MKI67: variants seen among roughly 807,000 people sequenced by gnomAD.
The protein encoded by MKI67 is proliferation marker protein Ki-67.
A neutral mutation model predicts 233.5 loss-of-function variants in MKI67; 152 were observed. That is an observed-to-expected ratio of 0.65 (90% CI 0.57 to 0.74). The LOEUF is 0.74. Ranked by LOEUF, MKI67 falls within the 30% of genes least tolerant of loss-of-function variation. The probability of loss-of-function intolerance (pLI) is 0.00; values close to 1 mark genes in which losing one functional copy is unlikely to be tolerated. For missense variants in MKI67, 3,940 were observed against 3,885.2 expected (o/e 1.01, Z -0.37); for synonymous variants, 1,465 against 1,418.5 (o/e 1.03, Z -0.74).
chr10:128,125,622 C>T lies in MKI67; in HGVS notation c.46G>A (p.Asp16Asn). 6.2e-7 allele frequency: 1 copy of T among 1,613,586 alleles called. No individual in the cohort carries two copies. Among genetic ancestry groups the T allele is most frequent in the Non-Finnish European group, 8.5e-7 (1 of 1,179,826 alleles). The change falls in exon 2 of 15, where the codon GAC becomes AAC. Residue 16 changes from aspartate to asparagine, a missense_variant. Coordinates refer to ENST00000368654, the MANE Select transcript of MKI67 (RefSeq NM_002417.5). The surrounding 1 kb of genome is among the most constrained non-coding windows in gnomAD (Gnocchi z 5.3). Reference protein sequence around the residue: ...RLVTIKRSGVDGPHFPLSLST... With the variant: ...RLVTIKRSGVNGPHFPLSLST... ...AGGCTCAGGGGAAAGTGGGGACCGT[C>T]GACCCCGCTCCTTTTGATAGTAACC...
chr10:128,105,098 C>T lies in MKI67; in HGVS notation c.6742G>A (p.Val2248Ile), dbSNP rs145732129. ...CTGAGTGCTAAGGATTCTTCCTCTACGTCTGCTTTCCTGAGACTTCTCTTG... is the reference window on the plus strand; with the variant it reads ...CTGAGTGCTAAGGATTCTTCCTCTATGTCTGCTTTCCTGAGACTTCTCTTG... ...QSKRSLRKAD[V>I]EEESLALRKR... The change falls in exon 13 of 15, where the codon GTA (valine) becomes ATA (isoleucine). Residue 2248 changes from valine (V) to isoleucine (I), a missense_variant. Transcript: ENST00000368654. 2.1e-4 allele frequency: 333 copies of T among 1,613,982 alleles called. 2 individuals carry two copies. The Middle Eastern group carries it at 3.1e-3, about 15-fold the overall frequency.
intron 9 of MKI67, 26 bp downstream of exon 9, chr10:128,112,107 T>G: frequency 6.2e-7 from 1 of 1,610,906 alleles, no homozygotes; most frequent in Non-Finnish European, 8.5e-7. Context: ...TTCACCTTAA[T>G]ATATGTATTC....
rs1852490191 is a variant in MKI67, at chr10:128,106,218, CT to C, written c.5621del (p.Lys1874SerfsTer13). 1 of 1,613,258 alleles carries C rather than the reference CT, an allele frequency of 6.2e-7. No individual in the cohort carries two copies. The highest frequency in any genetic ancestry group is 1.7e-5 in the Admixed American group (1 of 59,864). ...TCTTGAGGCTTCTCTTGGGCCGTTG[CT>C]TTGTGTTTGTTGGGGTGTCCGCTGG... ...SDPADTPTNT[K>X]QRPKRSLKKA... On this transcript the variant is annotated frameshift_variant, in exon 13 of 15. Coordinates refer to ENST00000368654, the MANE Select transcript of MKI67 (RefSeq NM_002417.5). LOFTEE classifies it high-confidence loss of function.
chr10:128,101,172 C>T (rs1242057922), intron 14 of MKI67, 86 bp downstream of exon 14: 1 of 1,301,746 alleles, frequency 7.7e-7, no homozygotes, highest in Admixed American at 2.0e-5. Context: ...GAAGATAATG[C>T]TTTTTGTTTG....
rs772241430 is a variant in MKI67, at chr10:128,104,218, C to T, written c.7622G>A (p.Gly2541Asp). The T allele has an allele frequency of 6.2e-7, 1 of 1,614,024 alleles. No individual in the cohort carries two copies. Among genetic ancestry groups the T allele is most frequent in the South Asian group, 1.1e-5 (1 of 91,074 alleles). Reference sequence around the variant, plus strand: ...ACGAGTTCTCAGCTGCCTCCTGCTACCAGTTACACTTGCTGCTGGGTCCAG... The same window carrying T: ...ACGAGTTCTCAGCTGCCTCCTGCTATCAGTTACACTTGCTGCTGGGTCCAG... The part of the protein sequence containing the change: ...QILDPAASVT[G>D]SRRQLRTRKE... The change falls in exon 13 of 15, where the codon GGT becomes GAT. Residue 2541 changes from glycine (G) to aspartate (D), a missense_variant. Gly to Asp is a moderately conservative substitution (Grantham distance 94). Coordinates refer to ENST00000368654, the MANE Select transcript of MKI67 (RefSeq NM_002417.5).
chr10:128,106,577 G>A lies in MKI67; in HGVS notation c.5263C>T (p.Pro1755Ser), dbSNP rs1316205696. 8.1e-6 allele frequency: 13 copies of A among 1,614,058 alleles called. No individual in the cohort carries two copies. Among genetic ancestry groups the A allele is most frequent in the Non-Finnish European group, 1.1e-5 (13 of 1,180,036 alleles). ...TCTGCTTTCCTGAGACTTCTCTTGG[G>A]CTGTGGCTTGGAGCTTGTTGGGGTG... is the stretch of plus-strand genomic sequence containing the variant. ...VDTPTSSKPQ[P>S]KRSLRKADTE... The change falls in exon 13 of 15, where the codon CCC becomes TCC. Residue 1755 changes from proline to serine, a missense_variant. By Grantham distance (74) the Pro-to-Ser change is moderately conservative. Transcript: ENST00000368654.
At chr10:128,119,491 A>G (rs1590317612) in intron 4 of MKI67, among the ~76,000 whole-genome samples, 172 bp from the exon 5 acceptor site, 1 of 152,252 alleles carries the variant, frequency 6.6e-6, no homozygotes, top group East Asian at 1.9e-4. Flanking sequence ...TACACTAAAA[A>G]CTAGGATTAG....
rs1852325917 is a variant in MKI67 at position 128,101,231 on chromosome 10, AAAACAGGG to A, written c.9705+19_9705+26del. 19 of 1,590,322 alleles carry A rather than the reference AAAACAGGG, an allele frequency of 1.2e-5. No homozygotes were observed. Among genetic ancestry groups the A allele is most frequent in the Non-Finnish European group, 1.6e-5 (19 of 1,164,562 alleles). The stretch of plus-strand genomic sequence containing the variant: ...TACATCAAAACATTCTGTGTCTTTT[AAAACAGGG>A]AAACAGTAAATGGCTTACCTTCTTT... On this transcript the variant is annotated intron_variant, in intron 14 of 14. Coordinates refer to ENST00000368654, the MANE Select transcript of MKI67 (RefSeq NM_002417.5).
rs552682570 is a variant in MKI67, at chr10:128,104,308, G to C, written c.7532C>G (p.Thr2511Arg). Residue 2511 changes from threonine (T) to arginine (R), a missense_variant, in exon 13 of 15, where the codon ACA (threonine) becomes AGA (arginine). Physicochemically the swap from Thr to Arg is moderately conservative, Grantham distance 71 (BLOSUM62 -1). Transcript: ENST00000368654. ...ACTATCTCCTGTTGGCTCTGTGTGTGTTTGCGTAGTCTCCCCTGATGTCCG... is the reference window on the plus strand; with the variant it reads ...ACTATCTCCTGTTGGCTCTGTGTGTCTTTGCGTAGTCTCCCCTGATGTCCG... ...LTRTSGETTQ[T>R]HTEPTGDSKS... is the part of the protein sequence containing the mutation. 1.2e-6 allele frequency: 2 copies of C among 1,614,188 alleles called. No individual in the cohort carries two copies. The highest frequency in any genetic ancestry group is 4.5e-5 in the East Asian group (2 of 44,876).
intron 7 of MKI67, among the ~76,000 whole-genome samples, chr10:128,114,216 G>A (rs775295914): frequency 2.0e-5 from 3 of 152,180 alleles, no homozygotes; most frequent in East Asian, 1.9e-4. Context: ...CGAATACTGC[G>A]TCTGTGGCCC....
At chr10:128,123,633 A>G (rs1352296985) in intron 2 of MKI67, among the ~76,000 whole-genome samples, 1 of 152,250 alleles carries the variant, frequency 6.6e-6, no homozygotes. Context: ...AAGAAATTAC[A>G]TTAGAACCTA....
chr10:128,122,997 C>G lies in MKI67; in HGVS notation c.172-1G>C. On this transcript the variant is annotated splice_acceptor_variant, in intron 3 of 14. Coordinates refer to ENST00000368654, the MANE Select transcript of MKI67 (RefSeq NM_002417.5). LOFTEE classifies it high-confidence loss of function. ...TGGAACTGAAATTATGTAATATTGC[C>G]TGCAAGTGAAAAGAAGGGGAAATAT... is the stretch of plus-strand genomic sequence containing the variant. 6.3e-7 allele frequency: 1 copy of G among 1,592,040 alleles called. No individual in the cohort carries two copies.
chr10:128,112,697 G>T (rs1235447536), intron 8 of MKI67, among the ~76,000 whole-genome samples: 1 of 152,166 alleles, frequency 6.6e-6, no homozygotes, highest in Non-Finnish European at 1.5e-5. Flanking sequence ...CCTGATCAGT[G>T]AAAGACAAGC....
At position 128,109,219 on chromosome 10, in the gene MKI67, C is replaced by A; in HGVS notation, c.2621G>T (p.Arg874Met). 1 of 1,614,120 alleles carries A rather than the reference C, an allele frequency of 6.2e-7. No individual in the cohort carries two copies. The highest frequency in any genetic ancestry group is 8.5e-7 in the Non-Finnish European group (1 of 1,180,026). Residue 874 changes from arginine (R) to methionine (M), a missense_variant, in exon 13 of 15, where the codon AGG becomes ATG. By Grantham distance (91) the Arg-to-Met change is moderately conservative. Transcript: ENST00000368654. ...CCTGAACTCTGTAGACCTTCCTGAC[C>A]TGTTTGCAGTGGATACTGTTTTTGA... is the stretch of plus-strand genomic sequence containing the variant. ...EPSKTVSTAN[R>M]SGRSTEFRNI...
At chr10:128,111,892 G>C (rs533530148) in intron 10 of MKI67, 35 bp downstream of exon 10, 1 of 1,605,444 alleles carries the variant, frequency 6.2e-7, no homozygotes, top group African/African-American at 1.3e-5. Context: ...GATGACACCG[G>C]TATGTGTAAA....
At position 128,125,117 on chromosome 10, in the gene MKI67, A is replaced by T. The variant is rs76529550; in HGVS notation, c.92+459T>A. On this transcript the variant is annotated intron_variant, in intron 2 of 14. Coordinates refer to ENST00000368654, the MANE Select transcript of MKI67 (RefSeq NM_002417.5). This position sits in a 1 kb window ranked among gnomAD's most constrained non-coding sequence, Gnocchi z 5.3. ...AAACAGGACAGCAATATAAGAGGAAACGTTCTCGAATTCCAGGCAGGAAGA... is the reference window on the plus strand; with the variant it reads ...AAACAGGACAGCAATATAAGAGGAATCGTTCTCGAATTCCAGGCAGGAAGA... Among the ~76,000 whole-genome samples the T allele has an allele frequency of 0.066, 10,093 of 152,202 alleles. 650 individuals carry two copies. The highest frequency in any genetic ancestry group is 0.16 in the African/African-American group (6,725 of 41,520).
Position 128,105,012 on chromosome 10 carries a change from C to T in MKI67, c.6828G>A (p.Glu2276=). The T allele has an allele frequency of 6.2e-7, 1 of 1,613,526 alleles. No homozygotes were observed. The highest frequency in any genetic ancestry group is 8.5e-7 in the Non-Finnish European group (1 of 1,179,932). The change falls in exon 13 of 15, where the codon GAG becomes GAA. Residue 2276 remains glutamate (E), a synonymous_variant. Coordinates refer to ENST00000368654, the MANE Select transcript of MKI67 (RefSeq NM_002417.5). ...MDTPKPAGGD[E]KDMKAFMGTP... is the part of the protein sequence containing the mutation. ...TTCCCATAAATGCTTTCATGTCTTT[C>T]TCATCACCTCCTGCTGGTTTGGGTG...
intron 4 of MKI67, 124 bp from the exon 5 acceptor site, chr10:128,119,443 T>C (rs1471366737): frequency 4.8e-6 from 3 of 618,786 alleles, no homozygotes; most frequent in Admixed American, 6.8e-5. Flanking sequence ...GACATCACCT[T>C]ATACAAAGAA....
chr10:128,099,518 C>T (rs1395932048), intron 14 of MKI67, among the ~76,000 whole-genome samples: 1 of 152,154 alleles, frequency 6.6e-6, no homozygotes, highest in Non-Finnish European at 1.5e-5. Flanking sequence ...CATTTTTAAG[C>T]TAATTCATAA....
Sources: allele counts gnomAD v4.1 joint callset (sites outside exome capture counted in the v4.1 genomes callset), GRCh38; gene constraint gnomAD v4.1.1; non-coding constraint Gnocchi (gnomAD v3.1); transcripts MANE v1.5; gene names NCBI Gene and HGNC (gene_info 2026-07-23, HGNC 2026-07-21).